The following TRPM3 variants were observed in gnomAD, a reference collection of about 807,000 sequenced individuals.
TRPM3 encodes the protein long transient receptor potential channel 3.
A neutral mutation model predicts 181.2 loss-of-function variants in TRPM3; 77 were observed. The observed-to-expected ratio is 0.42, with a 90% CI of 0.35 to 0.51. TRPM3 has a LOEUF of 0.51. TRPM3 is among the 20% of genes least tolerant of loss of function. TRPM3 has a pLI of 0.01. For synonymous variants in TRPM3, 745 were observed against 796.4 expected (o/e 0.94, Z 1.09); for missense variants, 1,759 against 2,196.7 (o/e 0.80, Z 3.98).
At chr9:71,041,628 G>T (rs189510523) in intron 1 of TRPM3, among the ~76,000 whole-genome samples, 1 of 152,256 alleles carries the variant, frequency 6.6e-6, no homozygotes, top group African/African-American at 2.4e-5. Context: ...CCAGACTCAG[G>T]TACGAGCCAT....
intron 11 of TRPM3, 123 bp downstream of exon 11, chr9:70,638,937 T>C: frequency 4.5e-6 from 5 of 1,119,906 alleles, no homozygotes; most frequent in Non-Finnish European, 6.3e-6. Flanking sequence ...AGGGAGTATT[T>C]GTGATGAATG....
rs373666884 is a variant in TRPM3 at position 70,620,186 on chromosome 9, C to T, written c.2019G>A (p.Glu673=). 1.7e-5 allele frequency: 27 copies of T among 1,614,086 alleles called. No homozygotes were observed. Among genetic ancestry groups the T allele is most frequent in the Non-Finnish European group, 2.2e-5 (26 of 1,180,048 alleles). Residue 673 remains glutamate, a synonymous_variant, in exon 16 of 26, where the codon GAG becomes GAA. Coordinates refer to ENST00000677713, the MANE Select transcript of TRPM3 (RefSeq NM_001366145.2). Reference sequence around the variant, plus strand: ...AGGCCACCAGGGCCTTGGCCATGGCCTCCTCACCGTGCTGCCAGAAGAACA... The same window carrying T: ...AGGCCACCAGGGCCTTGGCCATGGCTTCCTCACCGTGCTGCCAGAAGAACA... ...MALFFWQHGE[E]AMAKALVACK... is the part of the protein sequence containing the mutation.
At chr9:70,886,706 C>G (rs1176984120) in intron 1 of TRPM3, among the ~76,000 whole-genome samples, 1 of 151,758 alleles carries the variant, frequency 6.6e-6, no homozygotes, top group Non-Finnish European at 1.5e-5. Context: ...CTCTTGTCGC[C>G]CAGGCTGGAG....
chr9:71,188,419 T>C (rs1287212494), intron 1 of TRPM3, among the ~76,000 whole-genome samples: 1 of 151,944 alleles, frequency 6.6e-6, no homozygotes, highest in African/African-American at 2.4e-5. Flanking sequence ...TGTAGAGGTT[T>C]ATATCACTAG....
At chr9:70,915,513 G>C (rs944610039) in intron 1 of TRPM3, among the ~76,000 whole-genome samples, 2 of 150,452 alleles carry the variant, frequency 1.3e-5, no homozygotes, top group Non-Finnish European at 3.0e-5. Flanking sequence ...CACCGTGTTA[G>C]CCAGGATGGT....
At chr9:70,998,788 C>T (rs1001252313) in intron 1 of TRPM3, among the ~76,000 whole-genome samples, 3 of 152,192 alleles carry the variant, frequency 2.0e-5, no homozygotes, top group South Asian at 4.1e-4. Context: ...TGAAAATGGA[C>T]GATTTCACTA....
At chr9:71,123,158 C>T (rs1266469874), upstream of TRPM3, among the ~76,000 whole-genome samples, 2 of 152,172 alleles carry the variant, frequency 1.3e-5, no homozygotes, top group Non-Finnish European at 2.9e-5. Flanking sequence ...CTCTTGTCTC[C>T]TATTTCTTTC....
chr9:70,618,273 G>A lies in TRPM3; in HGVS notation c.2358+594C>T, dbSNP rs2063096077. Among the ~76,000 whole-genome samples, 4 of 152,126 alleles carry A rather than the reference G, an allele frequency of 2.6e-5. No homozygotes were observed. The South Asian group carries it at 8.3e-4, about 32-fold the overall frequency. ...CTATGTGTCCTTCCTGATTTTTATA[G>A]GATAATTTATACAGACATAACTATA... On this transcript the variant is annotated intron_variant, in intron 17 of 25. Transcript: ENST00000677713.
upstream of TRPM3, among the ~76,000 whole-genome samples, chr9:71,122,454 C>T (rs928894110): frequency 1.3e-5 from 2 of 152,236 alleles, no homozygotes; most frequent in Admixed American, 6.5e-5. Context: ...CATCGGACCT[C>T]AGTGGGAGCA....
At chr9:70,778,837 T>C (rs1280462637) in intron 7 of TRPM3, among the ~76,000 whole-genome samples, 3 of 152,068 alleles carry the variant, frequency 2.0e-5, no homozygotes, top group African/African-American at 7.2e-5. Context: ...GAGAAAACAA[T>C]AGTGACCACT....
In TRPM3 at chr9:70,741,882, C is replaced by T. The variant is rs983845830; in HGVS notation, c.1272+19719G>A. Among the ~76,000 whole-genome samples, 5 of 151,990 alleles carry T rather than the reference C, an allele frequency of 3.3e-5. No individual in the cohort carries two copies. The East Asian group carries it at 7.7e-4, about 23-fold the overall frequency. On this transcript the variant is annotated intron_variant, in intron 8 of 25. Transcript: ENST00000677713. Reference sequence around the variant, plus strand: ...TACATTGGATACAGTGTACACTGCCCGGGTGATGGGTGCACCAAAATCTCA... The same window carrying T: ...TACATTGGATACAGTGTACACTGCCTGGGTGATGGGTGCACCAAAATCTCA...
chr9:71,233,932 T>C (rs1003673862), intron 1 of TRPM3, among the ~76,000 whole-genome samples: 3 of 152,216 alleles, frequency 2.0e-5, no homozygotes, highest in African/African-American at 7.2e-5. Flanking sequence ...CCTTCCTTAA[T>C]TATTATATTA....
At chr9:71,129,244 A>G (rs777145367) in intron 1 of TRPM3, among the ~76,000 whole-genome samples, 18 of 152,180 alleles carry the variant, frequency 1.2e-4, no homozygotes, top group Admixed American at 3.3e-4. Flanking sequence ...ATTTTACTTT[A>G]TGAGAGACAA....
chr9:71,382,388 A>C (rs1361460315), intron 1 of TRPM3, among the ~76,000 whole-genome samples: 1 of 152,136 alleles, frequency 6.6e-6, no homozygotes, highest in Admixed American at 6.6e-5. Flanking sequence ...ACAGGTAAAA[A>C]AAATGGAGGC....
chr9:70,922,147 A>G (rs907452229), intron 1 of TRPM3, among the ~76,000 whole-genome samples: 10 of 152,164 alleles, frequency 6.6e-5, no homozygotes, highest in Non-Finnish European at 1.2e-4. Flanking sequence ...TAGGAGACAC[A>G]TATCTGTGCA....
At chr9:70,804,697 CCCCTT>C (rs10555413) in intron 6 of TRPM3, among the ~76,000 whole-genome samples, 21,077 of 142,204 alleles carry the variant, frequency 0.15, 1,991 homozygotes, top group African/African-American at 0.34. Context: ...TTCCTCCCCT[CCCCTT>C]CCCTTCCCTT....
At chr9:70,760,976 A>G (rs540695038) in intron 8 of TRPM3, 2 of 159,466 alleles carry the variant, frequency 1.3e-5, no homozygotes, top group East Asian at 1.9e-4. Flanking sequence ...ATGCATAAAG[A>G]TCTTGCTCCC....
intron 8 of TRPM3, chr9:70,761,175 T>A (rs1024648921): frequency 2.2e-6 from 1 of 457,616 alleles, no homozygotes. Context: ...GTTTTCTACC[T>A]GTACAGATTA....
intron 6 of TRPM3, 33 bp from the exon 7 acceptor site, chr9:70,784,312 A>G: frequency 1.3e-6 from 2 of 1,545,400 alleles, no homozygotes; most frequent in Non-Finnish European, 1.7e-6. Flanking sequence ...AAGGAAAAAA[A>G]GAGAAAAGAA....
Sources: gnomAD v4.1 joint callset for allele counts (sites outside exome capture counted in the v4.1 genomes callset) on GRCh38, gnomAD v4.1.1 for gene constraint, MANE v1.5 for transcripts, NCBI Gene and HGNC (gene_info 2026-07-23, HGNC 2026-07-21) for gene names.